SPEG: variants seen among roughly 807,000 people sequenced by gnomAD.
The protein encoded by SPEG is striated muscle preferentially expressed protein kinase.
Under a neutral mutation model 300.4 loss-of-function variants are expected in SPEG, and 114 were observed. That is an observed-to-expected ratio of 0.38 (90% confidence interval 0.33 to 0.44). The LOEUF is 0.44. Ranked by LOEUF, SPEG falls within the 20% of genes least tolerant of loss-of-function variation. The pLI is 1.00. For missense variants in SPEG, 4,201 were observed against 4,586.2 expected, an observed-to-expected ratio of 0.92 and a Z score of 2.43; for synonymous variants, 1,964 against 2,018.9, an observed-to-expected ratio of 0.97 and a Z score of 0.73.
At chr2:219,492,412 C>A (rs1454278470) in intron 40 of SPEG, 152 bp downstream of exon 40, 2 of 1,135,594 alleles carry the variant, frequency 1.8e-6, no homozygotes, top group Non-Finnish European at 2.5e-6. Flanking sequence ...CCTGAGGCAG[C>A]CCCGTGCAAG....
At chr2:219,469,416 C>T in intron 13 of SPEG, 37 bp downstream of exon 13, 6 of 1,534,650 alleles carry the variant, frequency 3.9e-6, no homozygotes, top group East Asian at 2.3e-5. Context: ...GTGTCCCCTG[C>T]AGCACCCACT....
At chr2:219,442,181 G>T in intron 1 of SPEG, 2 of 795,100 alleles carry the variant, frequency 2.5e-6, no homozygotes, top group Non-Finnish European at 3.3e-6. Context: ...GGTGGAGGGG[G>T]CGCTGGATCG....
Position 219,462,077 on chromosome 2 carries a change from G to A in SPEG, c.2616+20G>A. 1 of 1,577,814 alleles carries A rather than the reference G, an allele frequency of 6.3e-7. No individual in the cohort carries two copies. Among genetic ancestry groups the A allele is most frequent in the Non-Finnish European group, 8.6e-7 (1 of 1,164,754 alleles). ...TTCAAGGTCAGACCCCTGAGGCTGG[G>A]GCCTAGCCTCCTGTGTGCCCCCGTT... On this transcript the variant is annotated intron_variant, in intron 7 of 40. Transcript: ENST00000312358.
Position 219,481,159 on chromosome 2 carries a change from C to T in SPEG, c.5370-145C>T, listed in dbSNP as rs923197868. On this transcript the variant is annotated intron_variant, in intron 26 of 40. Transcript: ENST00000312358. This position sits in a 1 kb window ranked among gnomAD's most constrained non-coding sequence, Gnocchi z 5.4. ...GGAGGGGACAGGGCAGGAGAGAGTC[C>T]GCAGCCTCACCTCTTACCCACATTT... is the stretch of plus-strand genomic sequence containing the variant. 4.3e-5 allele frequency: 37 copies of T among 859,742 alleles called. No homozygotes were observed. The highest frequency in any genetic ancestry group is 1.1e-4 in the South Asian group (7 of 61,230). The allele number at this position is 859,742 out of a possible 1,614,324, so 53.3% of individuals were successfully genotyped here.
rs368600044 is a variant in SPEG at position 219,468,979 on chromosome 2, C to G, written c.3422C>G (p.Thr1141Ser). ...CTCTATGCGGTCAGTGCTGTTAACA[C>G]CCATGGCCAGGCCCACTGCTCAGCC... ...EGLYAVSAVN[T>S]HGQAHCSAQL... Residue 1141 changes from threonine (T) to serine (S), a missense_variant, in exon 12 of 41, where the codon ACC (threonine) becomes AGC (serine). Transcript: ENST00000312358. 6 of 1,613,942 alleles carry G rather than the reference C, an allele frequency of 3.7e-6. No homozygotes were observed. The highest frequency in any genetic ancestry group is 3.3e-5 in the Admixed American group (2 of 60,022).
chr2:219,461,260 C>T (rs1377125584), intron 6 of SPEG: 12 of 985,766 alleles, frequency 1.2e-5, no homozygotes, highest in Middle Eastern at 5.2e-4. Context: ...TCCTATCCCT[C>T]GAGCGTTTGG....
At position 219,451,035 on chromosome 2, in the gene SPEG, TG is replaced by T; in HGVS notation, c.2114-98del. ...CCTGCTTTCTAGAAGCCCCTCTGTCTGGGTTTGGCTTTCTAGGATGCAGGCC... is the reference window on the plus strand; with the variant it reads ...CCTGCTTTCTAGAAGCCCCTCTGTCTGGTTTGGCTTTCTAGGATGCAGGCC... On this transcript the variant is annotated intron_variant, in intron 4 of 40. Transcript: ENST00000312358. The surrounding 1 kb of genome is among the most constrained non-coding windows in gnomAD (Gnocchi z 6.4). 8.0e-7 allele frequency: 1 copy of T among 1,245,560 alleles called. No homozygotes were observed. The highest frequency in any genetic ancestry group is 1.1e-6 in the Non-Finnish European group (1 of 921,698). The allele number at this position is 1,245,560 out of a possible 1,614,324, so 77.2% of individuals were successfully genotyped here.
At chr2:219,460,611 C>T (rs1018354546) in intron 6 of SPEG, 2 of 985,446 alleles carry the variant, frequency 2.0e-6, no homozygotes, top group Non-Finnish European at 2.4e-6. Flanking sequence ...AGGCAGATCC[C>T]GCGGCTTGGG....
intron 1 of SPEG, among the ~76,000 whole-genome samples, chr2:219,437,563 A>G (rs2046615): frequency 0.37 from 56,481 of 152,114 alleles, 11,027 homozygotes; most frequent in South Asian, 0.44. Flanking sequence ...GAGAATAGGA[A>G]GAGGACTGGG....
At position 219,445,995 on chromosome 2, in the gene SPEG, G is replaced by A. The variant is rs1689257265; in HGVS notation, c.815+834G>A. Among the ~76,000 whole-genome samples the A allele has an allele frequency of 6.6e-6, 1 of 151,830 alleles. No individual in the cohort carries two copies. Among genetic ancestry groups the A allele is most frequent in the African/African-American group, 2.4e-5 (1 of 41,290 alleles). ...GCTATAGTGGAAGAGGGGAGTGGCT[G>A]AGAATAGAGGGACTAGGGCATTTGG... On this transcript the variant is annotated intron_variant, in intron 3 of 40. Coordinates refer to ENST00000312358, the MANE Select transcript of SPEG (RefSeq NM_005876.5). The surrounding 1 kb of genome is among the most constrained non-coding windows in gnomAD (Gnocchi z 6.1).
rs770358900 is a variant in SPEG at position 219,484,612 on chromosome 2, G to A, written c.7149G>A (p.Glu2383=). 5.9e-5 allele frequency: 92 copies of A among 1,556,072 alleles called. No homozygotes were observed. The highest frequency in any genetic ancestry group is 7.4e-5 in the Admixed American group (4 of 53,732). Residue 2383 remains glutamate (E), a synonymous_variant, in exon 30 of 41, where the codon GAG becomes GAA. Transcript: ENST00000312358. Reference sequence around the variant, plus strand: ...CCAGCCCGGCGGGGACCCCGCTGGAGCTGGTGCGACGGCCTGAGCGCTCAC... The same window carrying A: ...CCAGCCCGGCGGGGACCCCGCTGGAACTGGTGCGACGGCCTGAGCGCTCAC... The part of the protein sequence containing the change: ...YRPSPAGTPL[E]LVRRPERSRS...
intron 36 of SPEG, 23 bp from the exon 37 acceptor site, chr2:219,490,386 G>T (rs200343137): frequency 6.9e-6 from 11 of 1,601,636 alleles, no homozygotes; most frequent in Non-Finnish European, 8.5e-6. Context: ...TGAGCCGGTG[G>T]TGTCCCTCCC....
chr2:219,487,908 C>T (rs553443723), intron 31 of SPEG, among the ~76,000 whole-genome samples: 1 of 152,330 alleles, frequency 6.6e-6, no homozygotes, highest in Admixed American at 6.5e-5. Flanking sequence ...TAGTGCCAGG[C>T]CCTGCTCTAA....
chr2:219,463,839 G>A (rs997631297), intron 8 of SPEG, among the ~76,000 whole-genome samples: 1 of 152,048 alleles, frequency 6.6e-6, no homozygotes, highest in Non-Finnish European at 1.5e-5. Flanking sequence ...AGCTAAATAG[G>A]GTCAGGCATG....
rs1246229196 is a variant in SPEG at position 219,492,613 on chromosome 2, G to A, written c.9631G>A (p.Asp3211Asn). 1 of 1,610,016 alleles carries A rather than the reference G, an allele frequency of 6.2e-7. No individual in the cohort carries two copies. The highest frequency in any genetic ancestry group is 8.5e-7 in the Non-Finnish European group (1 of 1,180,012). The change falls in exon 41 of 41, where the codon GAC (aspartate) becomes AAC (asparagine). Residue 3211 changes from aspartate (D) to asparagine (N), a missense_variant. Asp to Asn is a conservative substitution (Grantham distance 23). Coordinates refer to ENST00000312358, the MANE Select transcript of SPEG (RefSeq NM_005876.5). ...TGGCAGGAGCCGGCCCTCCCTGCAG[G>A]ACTGCCTGGCCCACCCATGGTTGCA... ...VHPWSRPSLQ[D>N]CLAHPWLQDA... is the part of the protein sequence containing the mutation.
rs1462870787 is a variant in SPEG, at chr2:219,485,393, C to T, written c.7657C>T (p.Arg2553Trp). Residue 2553 changes from arginine (R) to tryptophan (W), a missense_variant, in exon 31 of 41, where the codon CGG becomes TGG. Physicochemically the swap from Arg to Trp is moderately radical, Grantham distance 101 (BLOSUM62 -3). Transcript: ENST00000312358. The stretch of plus-strand genomic sequence containing the variant: ...GCTCCGCTGGGGCTTCTCTCGGCCG[C>T]GGAAGGACAAGGGGTTATCGCCACC... ...SRLRWGFSRP[R>W]KDKGLSPPNL... The T allele has an allele frequency of 3.1e-6, 5 of 1,608,102 alleles. No homozygotes were observed. The South Asian group carries it at 5.5e-5, about 18-fold the overall frequency.
rs1250843505 is a variant in SPEG, at chr2:219,473,106, G to A, written c.4147+10G>A. The A allele has an allele frequency of 1.2e-6, 2 of 1,612,274 alleles. No individual in the cohort carries two copies. Among genetic ancestry groups the A allele is most frequent in the East Asian group, 2.2e-5 (1 of 44,852 alleles). ...CAGCTGCTGGAGCACGGTGAGCCTG[G>A]GTGCTCCTGTCGGGTGGGGGTGGGA... On this transcript the variant is annotated intron_variant, in intron 16 of 40. Coordinates refer to ENST00000312358, the MANE Select transcript of SPEG (RefSeq NM_005876.5). The surrounding 1 kb of genome is among the most constrained non-coding windows in gnomAD (Gnocchi z 4.6).
At chr2:219,476,538 C>G (rs1170512513) in intron 18 of SPEG, among the ~76,000 whole-genome samples, 1 of 152,224 alleles carries the variant, frequency 6.6e-6, no homozygotes, top group Non-Finnish European at 1.5e-5. Context: ...GGCAGGAAAT[C>G]CAGATTTCTT....
chr2:219,449,165 G>T lies in SPEG; in HGVS notation c.2007G>T (p.Arg669Ser). The change falls in exon 4 of 41, where the codon AGG (arginine) becomes AGT (serine). Residue 669 changes from arginine (R) to serine (S), a missense_variant. Arg to Ser is a moderately radical substitution (Grantham distance 110). Transcript: ENST00000312358. ...KNRAGPEAEK[R>S]LRRGPEEDGP... The stretch of plus-strand genomic sequence containing the variant: ...GGGCGGGGCCTGAGGCAGAGAAGAG[G>T]CTTCGCAGAGGGCCGGAGGAGGACG... 7.1e-7 allele frequency: 1 copy of T among 1,408,134 alleles called. No homozygotes were observed. The highest frequency in any genetic ancestry group is 3.4e-5 in the Admixed American group (1 of 29,344). 87.2% of individuals were successfully genotyped at this position (1,408,134 alleles called of 1,614,324 possible).
Sources: allele counts gnomAD v4.1 joint callset (sites outside exome capture counted in the v4.1 genomes callset), GRCh38; gene constraint gnomAD v4.1.1; non-coding constraint Gnocchi (gnomAD v3.1); transcripts MANE v1.5; gene names NCBI Gene and HGNC (gene_info 2026-07-23, HGNC 2026-07-21).